The following PYGB variants were observed in gnomAD, a reference collection of about 807,000 sequenced individuals.
PYGB encodes glycogen phosphorylase B.
A neutral mutation model predicts 94.3 loss-of-function variants in PYGB; 82 were observed. The ratio of observed to expected loss-of-function variants is 0.87; its 90% confidence interval spans 0.73 to 1.04. The LOEUF is 1.04. Among genes scored for constraint, PYGB ranks in the 50% least tolerant of loss-of-function variants. PYGB has a pLI of 0.00. For missense variants in PYGB, 1,132 were observed against 1,158.2 expected (o/e 0.98, Z 0.33); for synonymous variants, 488 against 479.1 (o/e 1.02, Z -0.24).
intron 14 of PYGB, among the ~76,000 whole-genome samples, chr20:25,287,154 G>A (rs754619598): frequency 1.3e-5 from 2 of 152,320 alleles, no homozygotes; most frequent in Middle Eastern, 3.4e-3. Context: ...CCTGTTTGCT[G>A]GGCTGGCAGT....
At chr20:25,281,270 T>A (rs185965533) in intron 11 of PYGB, among the ~76,000 whole-genome samples, 158 bp downstream of exon 11, 1 of 152,356 alleles carries the variant, frequency 6.6e-6, no homozygotes, top group East Asian at 1.9e-4. Flanking sequence ...CAGAACACCC[T>A]GTCAGGGTCA....
At chr20:25,274,504 C>A in intron 4 of PYGB, 88 bp from the exon 5 acceptor site, 1 of 1,501,472 alleles carries the variant, frequency 6.7e-7, no homozygotes, top group Non-Finnish European at 8.9e-7. Flanking sequence ...ACTGTGTGAT[C>A]TCGACCGCAC....
At chr20:25,251,526 A>G (rs1386191408) in intron 1 of PYGB, among the ~76,000 whole-genome samples, 1 of 152,252 alleles carries the variant, frequency 6.6e-6, no homozygotes, top group East Asian at 1.9e-4. Context: ...TGCTAGATAC[A>G]GCACAAAAGG....
Position 25,248,449 on chromosome 20 carries a change from C to T in PYGB, c.243+28C>T, listed in dbSNP as rs372179997. On this transcript the variant is annotated intron_variant, in intron 1 of 19. Coordinates refer to ENST00000216962, the MANE Select transcript of PYGB (RefSeq NM_002862.4). ...GAGGCGCTGCCCCGCCCTGTGCGCC[C>T]GTGCCCGCTGAGAGGGCGCCGGTCC... is the stretch of plus-strand genomic sequence containing the variant. 13 of 1,356,296 alleles carry T rather than the reference C, an allele frequency of 9.6e-6. No homozygotes were observed. In the African/African-American group the frequency reaches 1.8e-4, roughly 19 times the overall value. The allele number at this position is 1,356,296 out of a possible 1,614,324, so 84.0% of individuals were successfully genotyped here. A position where few individuals can be genotyped will look rare whatever the true frequency, so the allele number is the denominator to read the frequency against.
intron 5 of PYGB, 104 bp from the exon 6 acceptor site, chr20:25,276,542 C>A: frequency 1.1e-6 from 1 of 887,290 alleles, no homozygotes; most frequent in Non-Finnish European, 1.8e-6. Context: ...CGGTGGGGGG[C>A]CAGCAGGGCG....
intron 14 of PYGB, among the ~76,000 whole-genome samples, chr20:25,287,387 G>A (rs1037405770): frequency 3.3e-5 from 5 of 152,236 alleles, no homozygotes; most frequent in Non-Finnish European, 5.9e-5. Context: ...GCTCACCCCT[G>A]TAATCCCAGT....
intron 18 of PYGB, chr20:25,295,031 CTG>C: frequency 6.2e-7 from 1 of 1,614,168 alleles, no homozygotes; most frequent in Admixed American, 1.7e-5. Flanking sequence ...CTGCTGAGGT[CTG>C]TGATAAAGGA....
At chr20:25,259,890 T>G (rs1390190054) in intron 2 of PYGB, among the ~76,000 whole-genome samples, 3 of 152,248 alleles carry the variant, frequency 2.0e-5, no homozygotes. Flanking sequence ...CTTTTTGGTC[T>G]GTCTTCGCTT....
Position 25,296,416 on chromosome 20 carries a change from C to A in PYGB, c.2426C>A (p.Ser809Ter), listed in dbSNP as rs762351986. 1 of 1,614,070 alleles carries A rather than the reference C, an allele frequency of 6.2e-7. No individual in the cohort carries two copies. The highest frequency in any genetic ancestry group is 1.7e-5 in the Admixed American group (1 of 60,022). ...AAGGTCATCAGGAACATCGCCTGCT[C>A]GGGCAAGTTCTCCAGTGACCGGACC... ...TKKVIRNIAC[S>*]GKFSSDRTIT... The change falls in exon 20 of 20, where the codon TCG becomes TAG. Residue 809 changes from serine to a stop codon, truncating the protein, a stop_gained. Coordinates refer to ENST00000216962, the MANE Select transcript of PYGB (RefSeq NM_002862.4). LOFTEE classifies it high-confidence loss of function.
In PYGB at chr20:25,262,736, A is replaced by G. The variant is rs12624693; in HGVS notation, c.345+3398A>G. On this transcript the variant is annotated intron_variant, in intron 2 of 19. Transcript: ENST00000216962. ...CAGGAGACCCATCTCACATGCGGAG[A>G]CACACATAGGCTCAAAATAAAGGGA... 4.5e-4 allele frequency among the ~76,000 whole-genome samples: 69 copies of G among 151,946 alleles called. 1 individual carries two copies. The East Asian group carries it at 0.012, about 27-fold the overall frequency.
At chr20:25,275,911 G>A (rs1346467553) in intron 5 of PYGB, among the ~76,000 whole-genome samples, 1 of 152,242 alleles carries the variant, frequency 6.6e-6, no homozygotes, top group African/African-American at 2.4e-5. Flanking sequence ...CTGTGTGGCT[G>A]TCAGAGCTGA....
chr20:25,294,642 TC>T (rs2088511511), intron 18 of PYGB: 2 of 553,194 alleles, frequency 3.6e-6, no homozygotes, highest in Admixed American at 6.1e-5. Context: ...GGCCCAAAAC[TC>T]CCTGGGGTGG....
chr20:25,272,596 T>G (rs2088276847), intron 4 of PYGB, among the ~76,000 whole-genome samples: 1 of 152,250 alleles, frequency 6.6e-6, no homozygotes. Context: ...TCTGCATGTT[T>G]GAAAACGCTC....
At chr20:25,252,991 G>A (rs2092892510) in intron 1 of PYGB, among the ~76,000 whole-genome samples, 1 of 152,232 alleles carries the variant, frequency 6.6e-6, no homozygotes, top group African/African-American at 2.4e-5. Context: ...ATCAGGCGTG[G>A]TTGAAAGGGA....
At position 25,277,417 on chromosome 20, in the gene PYGB, T is replaced by A; in HGVS notation, c.855+91T>A. The A allele has an allele frequency of 3.1e-6, 4 of 1,281,524 alleles. No homozygotes were observed. The Admixed American group carries it at 7.8e-5, about 25-fold the overall frequency. 79.4% of individuals were successfully genotyped at this position (1,281,524 alleles called of 1,614,324 possible). ...GCTGGCCGGGCTCCCCAGTGGGGCC[T>A]GCTGTTGGCCTTGGCAAGCAGCCAC... On this transcript the variant is annotated intron_variant, in intron 7 of 19. Coordinates refer to ENST00000216962, the MANE Select transcript of PYGB (RefSeq NM_002862.4).
rs200278585 is a variant in PYGB at position 25,292,582 on chromosome 20, G to A, written c.2146G>A (p.Val716Met). Reference sequence around the variant, plus strand: ...GAACCTCTTCATCTTCGGCCTGCGGGTGGAGGATGTCGAGGCCTTGGACCG... The same window carrying A: ...GAACCTCTTCATCTTCGGCCTGCGGATGGAGGATGTCGAGGCCTTGGACCG... ...AENLFIFGLR[V>M]EDVEALDRKG... The change falls in exon 17 of 20, where the codon GTG becomes ATG. Residue 716 changes from valine to methionine, a missense_variant. By Grantham distance (21) the Val-to-Met change is conservative. Coordinates refer to ENST00000216962, the MANE Select transcript of PYGB (RefSeq NM_002862.4). The A allele has an allele frequency of 3.2e-5, 51 of 1,612,676 alleles. No homozygotes were observed. Among genetic ancestry groups the A allele is most frequent in the Non-Finnish European group, 1.5e-5 (18 of 1,180,012 alleles).
At chr20:25,278,235 CT>C in intron 7 of PYGB, 83 bp from the exon 8 acceptor site, 4 of 1,496,618 alleles carry the variant, frequency 2.7e-6, no homozygotes, top group Non-Finnish European at 3.6e-6. Context: ...CTGCCTGCAC[CT>C]TTGAGCCAGG....
chr20:25,269,034 T>C (rs2088243062), intron 2 of PYGB, 95 bp from the exon 3 acceptor site: 1 of 1,095,680 alleles, frequency 9.1e-7, no homozygotes, highest in African/African-American at 1.5e-5. Flanking sequence ...CTCTAACTTT[T>C]AGCATAAGCT....
intron 17 of PYGB, among the ~76,000 whole-genome samples, chr20:25,293,455 G>A (rs2088492568): frequency 6.6e-6 from 1 of 152,188 alleles, no homozygotes; most frequent in East Asian, 1.9e-4. Context: ...TCCAGCACGG[G>A]CCTGATTCCA....
Sources: gnomAD v4.1 joint callset for allele counts (sites outside exome capture counted in the v4.1 genomes callset) on GRCh38, gnomAD v4.1.1 for gene constraint, MANE v1.5 for transcripts, NCBI Gene and HGNC (gene_info 2026-07-23, HGNC 2026-07-21) for gene names.